WSCD2: variants seen among roughly 807,000 people sequenced by gnomAD.
The protein encoded by WSCD2 is WSC domain sialate O sulfotransferase 2, also known as sialate:O-sulfotransferase 2.
In WSCD2, 28 loss-of-function variants were observed where a neutral mutation model predicts 55.7. That is an observed-to-expected ratio of 0.50 (90% confidence interval 0.37 to 0.69). The LOEUF (loss-of-function observed/expected upper bound fraction) is 0.69, where lower values mean the gene tolerates loss of function less well. WSCD2 is among the 30% of genes least tolerant of loss of function. WSCD2 has a pLI of 0.00. For missense variants in WSCD2, 616 were observed against 762.1 expected (o/e 0.81, Z 2.26); for synonymous variants, 301 against 301.9 (o/e 1.00, Z 0.03).
intron 1 of WSCD2, among the ~76,000 whole-genome samples, chr12:108,141,120 C>T (rs558916739): frequency 6.6e-6 from 1 of 152,326 alleles, no homozygotes; most frequent in Admixed American, 6.5e-5. Flanking sequence ...GTGACACGAT[C>T]ATAGCTCACT....
intron 1 of WSCD2, among the ~76,000 whole-genome samples, chr12:108,188,572 T>C (rs1428314142): frequency 6.6e-6 from 1 of 152,090 alleles, no homozygotes; most frequent in Non-Finnish European, 1.5e-5. Context: ...AGGGAAAGGA[T>C]TTGGCATTTA....
chr12:108,131,316 C>G (rs1410180977), intron 1 of WSCD2, among the ~76,000 whole-genome samples: 1 of 152,188 alleles, frequency 6.6e-6, no homozygotes, highest in African/African-American at 2.4e-5. Flanking sequence ...CCTCAGAGGT[C>G]CCAGTTCAGT....
intron 1 of WSCD2, among the ~76,000 whole-genome samples, chr12:108,177,660 C>T (rs546016675): frequency 1.2e-3 from 182 of 152,252 alleles, no homozygotes; most frequent in African/African-American, 4.2e-3. Context: ...GTGGCTCACA[C>T]CTGTAATCTC....
intron 1 of WSCD2, among the ~76,000 whole-genome samples, chr12:108,130,475 G>GGT (rs559546028): frequency 0.078 from 10,459 of 134,246 alleles, 451 homozygotes; most frequent in African/African-American, 0.12. Context: ...TCCATTCTGG[G>GGT]GTGTGTGTGT....
chr12:108,189,239 C>G (rs59384619), intron 1 of WSCD2: 2 of 151,980 alleles, frequency 1.3e-5, no homozygotes, highest in South Asian at 4.2e-4. Context: ...CTTCCCTGAG[C>G]GGGGAAGTGA....
chr12:108,171,011 T>C (rs575559923), intron 1 of WSCD2, among the ~76,000 whole-genome samples: 1 of 152,164 alleles, frequency 6.6e-6, no homozygotes, highest in Admixed American at 6.5e-5. Context: ...GGGTAAGGTA[T>C]TGCTAAGGTA....
rs199869087 is a variant in WSCD2, at chr12:108,193,370, T to C, written c.-551-1912T>C. ...GCAGGGACTGTGAATTATTTATTCCTGCATCTCAAACACACACATAGTAGG... is the reference window on the plus strand; with the variant it reads ...GCAGGGACTGTGAATTATTTATTCCCGCATCTCAAACACACACATAGTAGG... On this transcript the variant is annotated intron_variant, in intron 1 of 8. Transcript: ENST00000547525. 2.6e-5 allele frequency among the ~76,000 whole-genome samples: 4 copies of C among 152,378 alleles called. No homozygotes were observed. The East Asian group carries it at 5.8e-4, about 22-fold the overall frequency.
chr12:108,227,419 C>T (rs889087926), intron 6 of WSCD2, among the ~76,000 whole-genome samples: 1 of 152,240 alleles, frequency 6.6e-6, no homozygotes, highest in Non-Finnish European at 1.5e-5. Flanking sequence ...TGTAGTGAGA[C>T]TGAATGAGAA....
intron 8 of WSCD2, among the ~76,000 whole-genome samples, chr12:108,243,717 A>C (rs1039867065): frequency 5.3e-5 from 8 of 152,186 alleles, no homozygotes; most frequent in Non-Finnish European, 2.9e-5. Flanking sequence ...CAGAATCTGC[A>C]CTTTAACAAG....
intron 8 of WSCD2, among the ~76,000 whole-genome samples, chr12:108,240,922 G>A (rs1889693434): frequency 6.6e-6 from 1 of 152,158 alleles, no homozygotes; most frequent in South Asian, 2.1e-4. Context: ...ATAAAACTGT[G>A]AGGCTTTAAG....
intron 6 of WSCD2, 49 bp from the exon 7 acceptor site, chr12:108,232,682 C>T (rs1400859285): frequency 6.5e-7 from 1 of 1,542,652 alleles, no homozygotes; most frequent in Admixed American, 1.8e-5. Flanking sequence ...TTCAGACAGG[C>T]TCCATCTGCC....
At chr12:108,148,613 G>C (rs1273144307) in intron 1 of WSCD2, among the ~76,000 whole-genome samples, 1 of 152,156 alleles carries the variant, frequency 6.6e-6, no homozygotes, top group Non-Finnish European at 1.5e-5. Context: ...GATGGAGGAA[G>C]ATCAGAGAGG....
intron 7 of WSCD2, among the ~76,000 whole-genome samples, chr12:108,239,996 C>G (rs4964667): frequency 0.61 from 92,470 of 152,110 alleles, 29,071 homozygotes; most frequent in Non-Finnish European, 0.67. Flanking sequence ...GCTGGGATTA[C>G]AGGCGTGAGC....
At chr12:108,161,368 T>C (rs1879035345) in intron 1 of WSCD2, among the ~76,000 whole-genome samples, 1 of 151,986 alleles carries the variant, frequency 6.6e-6, no homozygotes, top group Non-Finnish European at 1.5e-5. Flanking sequence ...CATAGTGGAG[T>C]AGAGTGGGCC....
intron 3 of WSCD2, among the ~76,000 whole-genome samples, chr12:108,209,438 C>T (rs910428260): frequency 1.3e-5 from 2 of 151,800 alleles, no homozygotes; most frequent in Admixed American, 1.3e-4. Context: ...CAGGGAAAAG[C>T]AAGAAAGAGA....
intron 1 of WSCD2, among the ~76,000 whole-genome samples, chr12:108,182,180 G>A (rs745446405): frequency 2.0e-5 from 3 of 152,128 alleles, no homozygotes; most frequent in Non-Finnish European, 2.9e-5. Flanking sequence ...TCTGTATATC[G>A]TTGTGTTTCC....
At chr12:108,240,214 G>A in intron 7 of WSCD2, 130 bp from the exon 8 acceptor site, 2 of 1,148,470 alleles carry the variant, frequency 1.7e-6, no homozygotes, top group Non-Finnish European at 2.5e-6. Context: ...CATAGTAGGT[G>A]CTCAATAAAT....
intron 1 of WSCD2, among the ~76,000 whole-genome samples, chr12:108,165,020 TTATTGTAAAC>T (rs1219789440): frequency 6.6e-6 from 1 of 152,156 alleles, no homozygotes; most frequent in Non-Finnish European, 1.5e-5. Flanking sequence ...AAGAAAGACT[TTATTGTAAAC>T]CTGGCTGGCA....
intron 1 of WSCD2, among the ~76,000 whole-genome samples, chr12:108,148,545 G>A (rs952510033): frequency 6.6e-6 from 1 of 152,136 alleles, no homozygotes; most frequent in Non-Finnish European, 1.5e-5. Flanking sequence ...ACTTATGATG[G>A]TGATCATTCT....
Sources: gnomAD v4.1 joint callset for allele counts (sites outside exome capture counted in the v4.1 genomes callset) on GRCh38, gnomAD v4.1.1 for gene constraint, MANE v1.5 for transcripts, NCBI Gene and HGNC (gene_info 2026-07-23, HGNC 2026-07-21) for gene names.